Variants in MAP4K4 observed in about 807,000 individuals in gnomAD.
The protein encoded by MAP4K4 is HPK/GCK-like kinase HGK.
In MAP4K4, 38 loss-of-function variants were observed where a neutral mutation model predicts 189.6. That is an observed-to-expected ratio of 0.20 (90% CI 0.15 to 0.26). The LOEUF (loss-of-function observed/expected upper bound fraction) is 0.26. Ranked by LOEUF, MAP4K4 falls within the 10% of genes least tolerant of loss-of-function variation. The pLI, the probability that MAP4K4 is intolerant of heterozygous loss-of-function variation, is 1.00. For synonymous variants in MAP4K4, 610 were observed against 624.3 expected, an observed-to-expected ratio of 0.98 and a Z score of 0.34; for missense variants, 1,054 against 1,726.9, an observed-to-expected ratio of 0.61 and a Z score of 6.91.
chr2:101,799,157 C>T lies in MAP4K4; in HGVS notation c.180+8381C>T, dbSNP rs753716640. Among the ~76,000 whole-genome samples, 136 of 152,140 alleles carry T rather than the reference C, an allele frequency of 8.9e-4. 3 individuals are homozygous for T. Among genetic ancestry groups the T allele is most frequent in the Middle Eastern group, 3.2e-3 (1 of 316 alleles). ...TAACCTCATTATTTAGTAGTCATAT[C>T]CTGCCTTTTTCCCCAAGACAGCAAT... is the stretch of plus-strand genomic sequence containing the variant. On this transcript the variant is annotated intron_variant, in intron 3 of 32. Coordinates refer to ENST00000324219, the Ensembl canonical transcript of MAP4K4.
chr2:101,756,404 A>G (rs13015321), intron 2 of MAP4K4, among the ~76,000 whole-genome samples: 80,359 of 152,038 alleles, frequency 0.53, 23,728 homozygotes, highest in East Asian at 0.71. Flanking sequence ...TTTTGCAGCT[A>G]GGACTATCAG....
chr2:101,717,766 A>G (rs2049228665), intron 2 of MAP4K4, among the ~76,000 whole-genome samples: 2 of 152,192 alleles, frequency 1.3e-5, no homozygotes, highest in South Asian at 2.1e-4. Flanking sequence ...TTAGCCTTGG[A>G]TAATGTGATT....
chr2:101,850,059 C>T (rs996647132), intron 12 of MAP4K4, among the ~76,000 whole-genome samples: 1 of 152,030 alleles, frequency 6.6e-6, no homozygotes, highest in Admixed American at 6.5e-5. Flanking sequence ...GCCTTTACCC[C>T]TGGACTCTCA....
intron 2 of MAP4K4, among the ~76,000 whole-genome samples, chr2:101,764,688 T>A (rs974370157): frequency 2.6e-5 from 4 of 152,224 alleles, no homozygotes; most frequent in African/African-American, 9.6e-5. Context: ...GTAAAGCAGA[T>A]TATACTTGAA....
chr2:101,810,628 C>G (rs1174700863), intron 3 of MAP4K4, among the ~76,000 whole-genome samples: 1 of 152,162 alleles, frequency 6.6e-6, no homozygotes, highest in African/African-American at 2.4e-5. Flanking sequence ...ACTGAAGGAT[C>G]TTAGCTCTGA....
rs2097201554 is a variant in MAP4K4, at chr2:101,849,179, G to C, written c.1233+4868G>C. Among the ~76,000 whole-genome samples the C allele has an allele frequency of 3.9e-5, 6 of 152,310 alleles. No homozygotes were observed. The South Asian group carries it at 1.2e-3, about 32-fold the overall frequency. ...GCTGTGTCACCCAGGCTGGAGTGCAGTGGTGCAATCTCAGCTCACTGCACC... is the reference window on the plus strand; with the variant it reads ...GCTGTGTCACCCAGGCTGGAGTGCACTGGTGCAATCTCAGCTCACTGCACC... On this transcript the variant is annotated intron_variant, in intron 12 of 32. Coordinates refer to ENST00000324219, the Ensembl canonical transcript of MAP4K4.
intron 1 of MAP4K4, 47 bp downstream of exon 1, chr2:101,698,184 C>CCGGCAGT (rs2149084534): frequency 1.1e-6 from 1 of 942,852 alleles, no homozygotes; most frequent in Non-Finnish European, 1.3e-6. Context: ...CAGCCGGCAG[C>CCGGCAGT]CGGCAGCCGG....
At chr2:101,830,641 G>A (rs1393029055) in intron 6 of MAP4K4, among the ~76,000 whole-genome samples, 1 of 152,128 alleles carries the variant, frequency 6.6e-6, no homozygotes, top group Non-Finnish European at 1.5e-5. Context: ...TGCCCAATTG[G>A]AAACTCCCCT....
chr2:101,718,382 T>C (rs1168997164), intron 2 of MAP4K4, among the ~76,000 whole-genome samples: 1 of 152,040 alleles, frequency 6.6e-6, no homozygotes, highest in Non-Finnish European at 1.5e-5. Flanking sequence ...TAAAGACACA[T>C]AGCTAGGAAG....
exon 15 of MAP4K4, chr2:101,859,656 G>A (rs374370469): frequency 8.1e-6 from 13 of 1,607,684 alleles, no homozygotes; most frequent in South Asian, 6.7e-5. Flanking sequence ...TGCCGATGGC[G>A]GGAGATGGAG....
intron 2 of MAP4K4, among the ~76,000 whole-genome samples, chr2:101,765,329 CTG>C (rs745820188): frequency 1.3e-5 from 2 of 152,096 alleles, no homozygotes; most frequent in Non-Finnish European, 2.9e-5. Flanking sequence ...ATACTCGTAA[CTG>C]TTTTTAGAGA....
intron 2 of MAP4K4, among the ~76,000 whole-genome samples, chr2:101,739,985 G>A (rs2061902102): frequency 6.6e-6 from 1 of 152,122 alleles, no homozygotes; most frequent in African/African-American, 2.4e-5. Flanking sequence ...ACTAAAGGGA[G>A]GAAGGGTGAT....
chr2:101,734,514 A>T (rs569374807), intron 2 of MAP4K4, among the ~76,000 whole-genome samples: 1 of 152,358 alleles, frequency 6.6e-6, no homozygotes, highest in South Asian at 2.1e-4. Flanking sequence ...CTTTCGTATC[A>T]GCAGATACAT....
At chr2:101,827,343 G>C (rs902155483) in intron 5 of MAP4K4, among the ~76,000 whole-genome samples, 6 of 152,136 alleles carry the variant, frequency 3.9e-5, no homozygotes, top group African/African-American at 1.4e-4. Flanking sequence ...ACAAGCAAAT[G>C]CCTCAGGGAG....
At chr2:101,798,600 A>G (rs1193590234) in intron 3 of MAP4K4, among the ~76,000 whole-genome samples, 1 of 152,198 alleles carries the variant, frequency 6.6e-6, no homozygotes, top group African/African-American at 2.4e-5. Flanking sequence ...ATTACACCAC[A>G]TCTCCCAGTT....
chr2:101,717,193 C>T (rs1246709180), intron 2 of MAP4K4, among the ~76,000 whole-genome samples: 1 of 152,170 alleles, frequency 6.6e-6, no homozygotes, highest in Non-Finnish European at 1.5e-5. Flanking sequence ...ACCTGCTTTT[C>T]TTAGCTCAAC....
At position 101,842,739 on chromosome 2, in the gene MAP4K4, G is replaced by A. The variant is rs560423467; in HGVS notation, c.1022+58G>A. On this transcript the variant is annotated intron_variant, in intron 11 of 32. Coordinates refer to ENST00000324219, the Ensembl canonical transcript of MAP4K4. Reference sequence around the variant, plus strand: ...TTATGAAGGGATTAAGTTTTATGTTGTGCCAGGACTGCAGAAGACTCCTGT... The same window carrying A: ...TTATGAAGGGATTAAGTTTTATGTTATGCCAGGACTGCAGAAGACTCCTGT... 5.9e-5 allele frequency: 81 copies of A among 1,374,440 alleles called. 1 individual carries two copies. In the Admixed American group the frequency reaches 1.5e-3, roughly 26 times the overall value. The allele number at this position is 1,374,440 out of a possible 1,614,324, so 85.1% of individuals were successfully genotyped here.
rs185443115 is a variant in MAP4K4, at chr2:101,810,438, C to A, written c.181-13490C>A. Among the ~76,000 whole-genome samples the A allele has an allele frequency of 1.2e-3, 189 of 152,126 alleles. 1 individual carries two copies. Among genetic ancestry groups the A allele is most frequent in the African/African-American group, 4.5e-3 (185 of 41,502 alleles). ...ATTAATATATAAGTAACATCATTAG[C>A]CTCTTGCATTGGACTTGGTGAGAGT... is the stretch of plus-strand genomic sequence containing the variant. On this transcript the variant is annotated intron_variant, in intron 3 of 32. Transcript: ENST00000324219.
At chr2:101,739,247 G>A (rs1321458240) in intron 2 of MAP4K4, among the ~76,000 whole-genome samples, 2 of 152,016 alleles carry the variant, frequency 1.3e-5, no homozygotes, top group Non-Finnish European at 2.9e-5. Flanking sequence ...CTTTAAATGT[G>A]GACAGTAGTT....
Sources: gnomAD v4.1 joint callset for allele counts (sites outside exome capture counted in the v4.1 genomes callset) on GRCh38, gnomAD v4.1.1 for gene constraint, MANE v1.5 for transcripts, NCBI Gene and HGNC (gene_info 2026-07-23, HGNC 2026-07-21) for gene names.